XKR4: variants seen among roughly 807,000 people sequenced by gnomAD.
XKR4 encodes the protein XK-related protein 4.
In XKR4, 12 loss-of-function variants were observed where a neutral mutation model predicts 53.9. The ratio of observed to expected loss-of-function variants is 0.22; its 90% CI spans 0.14 to 0.36. XKR4 has a LOEUF of 0.36. XKR4 is among the 10% of genes least tolerant of loss of function. The pLI, the probability that XKR4 is intolerant of heterozygous loss-of-function variation, is 1.00. For synonymous variants in XKR4, 354 were observed against 362.4 expected (o/e 0.98, Z 0.26); for missense variants, 799 against 859.5 (o/e 0.93, Z 0.88).
chr8:55,209,466 T>C (rs1209399512), intron 1 of XKR4, among the ~76,000 whole-genome samples: 1 of 152,180 alleles, frequency 6.6e-6, no homozygotes. Flanking sequence ...TTCCACGCTG[T>C]GCATCCTCCA....
At chr8:55,370,733 G>A (rs1264690090) in intron 2 of XKR4, among the ~76,000 whole-genome samples, 4 of 152,104 alleles carry the variant, frequency 2.6e-5, no homozygotes, top group African/African-American at 9.7e-5. Context: ...AAAGATGACA[G>A]CTCCTCCCTG....
chr8:55,443,074 A>G (rs960733073), intron 2 of XKR4, among the ~76,000 whole-genome samples: 5 of 152,232 alleles, frequency 3.3e-5, no homozygotes, highest in Non-Finnish European at 7.3e-5. Context: ...AATTCTATAA[A>G]CTTTAACAGA....
At chr8:55,171,679 G>C (rs1481885728) in intron 1 of XKR4, among the ~76,000 whole-genome samples, 1 of 152,116 alleles carries the variant, frequency 6.6e-6, no homozygotes, top group South Asian at 2.1e-4. Flanking sequence ...CTGTTGGGCA[G>C]CCTGCCAACA....
intron 1 of XKR4, among the ~76,000 whole-genome samples, chr8:55,226,639 C>T (rs867073896): frequency 6.8e-6 from 1 of 147,960 alleles, no homozygotes; most frequent in Non-Finnish European, 1.5e-5. Flanking sequence ...TCCAGTGTGA[C>T]CTGTCCTACT....
chr8:55,427,105 A>G (rs1286454948), intron 2 of XKR4, among the ~76,000 whole-genome samples: 1 of 152,234 alleles, frequency 6.6e-6, no homozygotes, highest in Non-Finnish European at 1.5e-5. Context: ...TACATTTTGC[A>G]TTATATAAAC....
At chr8:55,241,844 A>G (rs1167182117) in intron 1 of XKR4, among the ~76,000 whole-genome samples, 2 of 152,212 alleles carry the variant, frequency 1.3e-5, no homozygotes, top group African/African-American at 4.8e-5. Flanking sequence ...AATGATATCT[A>G]TTAGACCTAG....
At chr8:55,522,784 A>C (rs1806814984) in intron 2 of XKR4, among the ~76,000 whole-genome samples, 1 of 152,142 alleles carries the variant, frequency 6.6e-6, no homozygotes, top group African/African-American at 2.4e-5. Flanking sequence ...TCCTTAGTCC[A>C]TTTACACCAA....
intron 1 of XKR4, among the ~76,000 whole-genome samples, chr8:55,229,029 C>T (rs935205911): frequency 6.6e-6 from 1 of 152,142 alleles, no homozygotes; most frequent in Admixed American, 6.5e-5. Flanking sequence ...AACAAAACAA[C>T]AACAACAAAA....
At chr8:55,452,082 C>G (rs1805457723) in intron 2 of XKR4, 1 of 703,230 alleles carries the variant, frequency 1.4e-6, no homozygotes, top group Non-Finnish European at 2.6e-6. Context: ...GGGTGGCTGG[C>G]CGGGTGTGTA....
chr8:55,329,153 G>T (rs1030367021), intron 1 of XKR4, among the ~76,000 whole-genome samples: 1 of 152,050 alleles, frequency 6.6e-6, no homozygotes, highest in Non-Finnish European at 1.5e-5. Context: ...TCATGCCCCT[G>T]CCCCTGCCCC....
chr8:55,374,121 C>G (rs543651148), intron 2 of XKR4, among the ~76,000 whole-genome samples: 2 of 152,316 alleles, frequency 1.3e-5, no homozygotes, highest in African/African-American at 4.8e-5. Context: ...CTACACACCT[C>G]CCAAAGACAG....
rs143005868 is a variant in XKR4, at chr8:55,443,866, A to G, written c.1007-79415A>G. ...AAAAAAAAAAAAAAGAAAGAAAAGA[A>G]AAAAAAAGAAAAAATCAAAATGGGC... On this transcript the variant is annotated intron_variant, in intron 2 of 2. Coordinates refer to ENST00000327381, the MANE Select transcript of XKR4 (RefSeq NM_052898.2). Among the ~76,000 whole-genome samples the G allele has an allele frequency of 2.1e-3, 319 of 151,252 alleles. 3 individuals are homozygous for G. The highest frequency in any genetic ancestry group is 6.3e-3 in the African/African-American group (261 of 41,364).
At chr8:55,454,332 T>G (rs1805517975) in intron 2 of XKR4, 11 of 1,502,754 alleles carry the variant, frequency 7.3e-6, no homozygotes, top group Non-Finnish European at 1.0e-5. Flanking sequence ...GTGGGTGTGC[T>G]GAGGGCCTCC....
intron 1 of XKR4, among the ~76,000 whole-genome samples, chr8:55,141,671 C>CTCTGTG (rs748708972): frequency 0.011 from 1,458 of 135,230 alleles, 23 homozygotes; most frequent in African/African-American, 0.036. Flanking sequence ...CTCTCTCTCT[C>CTCTGTG]TGTGTGTGTG....
Position 55,138,408 on chromosome 8 carries a change from T to C in XKR4, c.806+35114T>C, listed in dbSNP as rs149121097. Among the ~76,000 whole-genome samples the C allele has an allele frequency of 5.0e-3, 768 of 152,224 alleles. 1 individual carries two copies. Among genetic ancestry groups the C allele is most frequent in the Admixed American group, 6.4e-3 (98 of 15,294 alleles). The stretch of plus-strand genomic sequence containing the variant: ...AGAGGAGCTGGGCAAAGTGGAGAAA[T>C]GCGAGAAGTTTTTAAAGTCAGCTCA... On this transcript the variant is annotated intron_variant, in intron 1 of 2. Transcript: ENST00000327381.
chr8:55,366,938 T>C (rs1803997425), intron 2 of XKR4, among the ~76,000 whole-genome samples: 1 of 152,224 alleles, frequency 6.6e-6, no homozygotes, highest in South Asian at 2.1e-4. Flanking sequence ...TTTCTTGCTC[T>C]TCACAAACTG....
chr8:55,419,235 A>T (rs961968015), intron 2 of XKR4, among the ~76,000 whole-genome samples: 2 of 152,032 alleles, frequency 1.3e-5, no homozygotes, highest in African/African-American at 4.8e-5. Context: ...AAATACAAAA[A>T]ATTAGCCGGA....
chr8:55,364,783 C>A (rs1055418210), intron 2 of XKR4, among the ~76,000 whole-genome samples: 2 of 152,108 alleles, frequency 1.3e-5, no homozygotes, highest in Non-Finnish European at 2.9e-5. Flanking sequence ...CAGGCCCCCG[C>A]CACCACGCCC....
At chr8:55,282,336 G>T (rs1473104934) in intron 1 of XKR4, among the ~76,000 whole-genome samples, 1 of 152,122 alleles carries the variant, frequency 6.6e-6, no homozygotes, top group Non-Finnish European at 1.5e-5. Context: ...TCAATTTTCT[G>T]TTGCTATAAA....
Sources: allele counts gnomAD v4.1 joint callset (sites outside exome capture counted in the v4.1 genomes callset), GRCh38; gene constraint gnomAD v4.1.1; transcripts MANE v1.5; gene names NCBI Gene and HGNC (gene_info 2026-07-23, HGNC 2026-07-21).